The following POLD1 variants were observed in gnomAD, a reference collection of about 807,000 sequenced individuals.
POLD1 encodes the protein DNA polymerase delta 1, catalytic subunit.
A neutral mutation model predicts 129.7 loss-of-function variants in POLD1; 79 were observed. The ratio of observed to expected loss-of-function variants is 0.61; its 90% confidence interval spans 0.51 to 0.73. POLD1 has a LOEUF of 0.73. Among genes scored for constraint, POLD1 ranks in the 30% least tolerant of loss-of-function variants. The probability of loss-of-function intolerance (pLI) is 0.00; values close to 1 mark genes in which losing one functional copy is unlikely to be tolerated. For missense variants in POLD1, 1,338 were observed against 1,595.8 expected (o/e 0.84, Z 2.75); for synonymous variants, 714 against 683.3 (o/e 1.04, Z -0.70).
At position 50,409,708 on chromosome 19, in the gene POLD1, G is replaced by T. The variant is rs773115941; in HGVS notation, c.2154+42G>T. On this transcript the variant is annotated intron_variant, in intron 17 of 26. Transcript: ENST00000440232. The surrounding 1 kb of genome is among the most constrained non-coding windows in gnomAD (Gnocchi z 5.8). ...CTGGAAGGCAACTGGGGGCAGGTGG[G>T]CCCCCTGTGTAGGAGACCAGGGCTC... is the stretch of plus-strand genomic sequence containing the variant. The T allele has an allele frequency of 1.9e-6, 3 of 1,564,818 alleles. No homozygotes were observed. The Admixed American group carries it at 5.4e-5, about 28-fold the overall frequency.
intron 1 of POLD1, among the ~76,000 whole-genome samples, chr19:50,397,975 T>C: frequency 6.6e-6 from 1 of 152,088 alleles, no homozygotes; most frequent in South Asian, 2.1e-4. Flanking sequence ...CGTGCTAACA[T>C]GTGGAGGGGT....
chr19:50,398,828 C>T, intron 1 of POLD1, 23 bp from the exon 2 acceptor site: 1 of 1,604,840 alleles, frequency 6.2e-7, no homozygotes, highest in Non-Finnish European at 8.5e-7. Flanking sequence ...AGAACCTCCA[C>T]CAAGCTCCAA....
rs761696044 is a variant in POLD1 at position 50,413,539 on chromosome 19, G to T, written c.2250+18G>T. On this transcript the variant is annotated intron_variant, in intron 18 of 26. Coordinates refer to ENST00000440232, the MANE Select transcript of POLD1 (RefSeq NM_002691.4). ...GTGCCAAGGTCGGGGGCTGCCCACC[G>T]CTGCCCTGAGATGGGCCCAGGGCAG... 3 of 1,589,460 alleles carry T rather than the reference G, an allele frequency of 1.9e-6. No homozygotes were observed. Among genetic ancestry groups the T allele is most frequent in the South Asian group, 2.2e-5 (2 of 89,478 alleles).
Position 50,403,486 on chromosome 19 carries a change from C to T in POLD1, c.1138-7C>T. 6.2e-7 allele frequency: 1 copy of T among 1,606,242 alleles called. No individual in the cohort carries two copies. Among genetic ancestry groups the T allele is most frequent in the Non-Finnish European group, 8.5e-7 (1 of 1,172,822 alleles). Reference sequence around the variant, plus strand: ...ACCAGGGTGACCCAATGTGCTCCCACCCCCAGGCCTGGTCCACCTTCATCC... The same window carrying T: ...ACCAGGGTGACCCAATGTGCTCCCATCCCCAGGCCTGGTCCACCTTCATCC... On this transcript the variant is annotated splice_region_variant and splice_polypyrimidine_tract_variant and intron_variant, in intron 9 of 26. Transcript: ENST00000440232.
At chr19:50,404,027 C>T (rs2038770931) in intron 10 of POLD1, among the ~76,000 whole-genome samples, 1 of 152,070 alleles carries the variant, frequency 6.6e-6, no homozygotes, top group Non-Finnish European at 1.5e-5. Flanking sequence ...TTCCTCTGCC[C>T]GAGTTGCTGT....
At chr19:50,417,385 C>A (rs575352161) in intron 26 of POLD1, 116 bp downstream of exon 26, 2 of 673,910 alleles carry the variant, frequency 3.0e-6, no homozygotes, top group Non-Finnish European at 5.1e-6. Flanking sequence ...CCCGCCCATC[C>A]CCTTCCAGCT....
chr19:50,407,852 G>T (rs1057440623), intron 14 of POLD1, among the ~76,000 whole-genome samples: 1 of 150,098 alleles, frequency 6.7e-6, no homozygotes, highest in Non-Finnish European at 1.5e-5. Context: ...GATTATAGGC[G>T]TGAGCCACCG....
chr19:50,403,615 G>A lies in POLD1; in HGVS notation c.1242+18G>A, dbSNP rs1057517580. On this transcript the variant is annotated intron_variant, in intron 10 of 26. Coordinates refer to ENST00000440232, the MANE Select transcript of POLD1 (RefSeq NM_002691.4). ...CCCTCAAGGTGAGGGCTGGGCAGGT[G>A]GGAGGCTTCTCTCAGATGCCCCAGG... 1.9e-6 allele frequency: 3 copies of A among 1,540,228 alleles called. No individual in the cohort carries two copies. Among genetic ancestry groups the A allele is most frequent in the Non-Finnish European group, 9.0e-7 (1 of 1,112,756 alleles).
Position 50,413,808 on chromosome 19 carries a change from G to C in POLD1, c.2317G>C (p.Ala773Pro), listed in dbSNP as rs753865441. ...CGTGTCCTCGGTGGCTGAGGCGATGGCCCTGGGGCGGGAGGCCGCGGACTG... is the reference window on the plus strand; with the variant it reads ...CGTGTCCTCGGTGGCTGAGGCGATGCCCCTGGGGCGGGAGGCCGCGGACTG... ...FGVSSVAEAMALGREAADWVS... is the reference protein window; with the variant it reads ...FGVSSVAEAMPLGREAADWVS... The change falls in exon 19 of 27, where the codon GCC becomes CCC. Residue 773 changes from alanine to proline, a missense_variant. By Grantham distance (27) the Ala-to-Pro change is conservative. Coordinates refer to ENST00000440232, the MANE Select transcript of POLD1 (RefSeq NM_002691.4). 1 of 1,612,586 alleles carries C rather than the reference G, an allele frequency of 6.2e-7. No individual in the cohort carries two copies. The highest frequency in any genetic ancestry group is 8.5e-7 in the Non-Finnish European group (1 of 1,179,656).
chr19:50,408,788 C>T lies in POLD1; in HGVS notation c.1779C>T (p.Tyr593=), dbSNP rs2038988850. The stretch of plus-strand genomic sequence containing the variant: ...GCCGCGGCTGCTCCCCTCCCAGGTA[C>T]TACGACGTCCCCATCGCCACCCTGG... ...GATVIEPLKG[Y]YDVPIATLDF... is the part of the protein sequence containing the mutation. The change falls in exon 15 of 27, where the codon TAC becomes TAT. Residue 593 remains tyrosine (Y), a synonymous_variant. Transcript: ENST00000440232. 1.2e-6 allele frequency: 2 copies of T among 1,613,680 alleles called. No individual in the cohort carries two copies. The highest frequency in any genetic ancestry group is 1.7e-6 in the Non-Finnish European group (2 of 1,179,968).
intron 1 of POLD1, among the ~76,000 whole-genome samples, chr19:50,397,137 G>A (rs1440797428): frequency 7.4e-5 from 11 of 149,076 alleles, no homozygotes; most frequent in East Asian, 4.1e-4. Flanking sequence ...GGTGGCTCAC[G>A]CCTGAAATCT....
intron 19 of POLD1, 68 bp from the exon 20 acceptor site, chr19:50,414,747 T>TG (rs1488275458): frequency 6.1e-6 from 8 of 1,307,822 alleles, no homozygotes; most frequent in Middle Eastern, 2.0e-4. Flanking sequence ...CTTCAGTTTC[T>TG]GGGGGGCGTC....
Position 50,417,314 on chromosome 19 carries a change from C to T in POLD1, c.3218+45C>T, listed in dbSNP as rs1201934864. On this transcript the variant is annotated intron_variant, in intron 26 of 26. Transcript: ENST00000440232. ...CCTGGGCTGCCCCGCCCCTTCCCAG[C>T]TCCCAGGCCTGTGGGTTGTGGACCC... 2.9e-6 allele frequency: 4 copies of T among 1,382,514 alleles called. No homozygotes were observed. The African/African-American group carries it at 4.3e-5, about 15-fold the overall frequency. The allele number at this position is 1,382,514 out of a possible 1,614,324, so 85.6% of individuals were successfully genotyped here.
Position 50,416,419 on chromosome 19 carries a change from C to T in POLD1, c.2844C>T (p.His948=), listed in dbSNP as rs1182529848. Residue 948 remains histidine, a synonymous_variant, in exon 23 of 27, where the codon CAC becomes CAT. Coordinates refer to ENST00000440232, the MANE Select transcript of POLD1 (RefSeq NM_002691.4). ...AGGACCCGCTGTTCGTGCTGGAGCACAGCCTGCCCATTGACACGCAGTACT... is the reference window on the plus strand; with the variant it reads ...AGGACCCGCTGTTCGTGCTGGAGCATAGCCTGCCCATTGACACGCAGTACT... The part of the protein sequence containing the change: ...KSEDPLFVLE[H]SLPIDTQYYL... 1 of 1,549,682 alleles carries T rather than the reference C, an allele frequency of 6.5e-7. No individual in the cohort carries two copies.
At position 50,401,917 on chromosome 19, in the gene POLD1, G is replaced by A. The variant is rs766579978; in HGVS notation, c.456G>A (p.Ala152=). ...HGFAPYFYTP[A]PPGFGPEHMG... ...TCGCTCCCTACTTCTACACCCCAGC[G>A]CCCCCTGGTGAGTGGCCCCTACCCA... The change falls in exon 4 of 27, where the codon GCG becomes GCA. Residue 152 remains alanine, a synonymous_variant. Coordinates refer to ENST00000440232, the MANE Select transcript of POLD1 (RefSeq NM_002691.4). 4 of 1,613,784 alleles carry A rather than the reference G, an allele frequency of 2.5e-6. No homozygotes were observed. Among genetic ancestry groups the A allele is most frequent in the East Asian group, 2.2e-5 (1 of 44,858 alleles).
intron 1 of POLD1, among the ~76,000 whole-genome samples, chr19:50,389,425 A>G (rs972888619): frequency 5.9e-5 from 9 of 151,736 alleles, no homozygotes; most frequent in Non-Finnish European, 1.3e-4. Flanking sequence ...CCTGGCCTCC[A>G]GCAGTCAGCT....
chr19:50,402,449 T>C lies in POLD1; in HGVS notation c.759-5T>C. On this transcript the variant is annotated splice_polypyrimidine_tract_variant and splice_region_variant and intron_variant, in intron 6 of 26. Transcript: ENST00000440232. ...CCCTGTCCACTGACCCCCAGCCCCC[T>C]CCAGGTTCATGGTGGACACGGACAT... 1 of 1,612,558 alleles carries C rather than the reference T, an allele frequency of 6.2e-7. No homozygotes were observed. Among genetic ancestry groups the C allele is most frequent in the Non-Finnish European group, 8.5e-7 (1 of 1,179,366 alleles).
intron 15 of POLD1, 27 bp downstream of exon 15, chr19:50,408,928 C>G: frequency 2.5e-6 from 4 of 1,588,300 alleles, no homozygotes; most frequent in Non-Finnish European, 3.4e-6. Flanking sequence ...AGCATGTGTC[C>G]CCCGAGGCCC....
intron 8 of POLD1, 57 bp from the exon 9 acceptor site, chr19:50,402,996 C>T: frequency 6.5e-7 from 1 of 1,542,378 alleles, no homozygotes; most frequent in Non-Finnish European, 8.8e-7. Flanking sequence ...TGCAGCCTCC[C>T]TGCTGTGTTG....
Sources: gnomAD v4.1 joint callset for allele counts (sites outside exome capture counted in the v4.1 genomes callset) on GRCh38, gnomAD v4.1.1 for gene constraint, Gnocchi (gnomAD v3.1) non-coding constraint, MANE v1.5 for transcripts, NCBI Gene and HGNC (gene_info 2026-07-23, HGNC 2026-07-21) for gene names.